ST3GAL4: variants seen among roughly 807,000 people sequenced by gnomAD.
The protein encoded by ST3GAL4 is CMP-N-acetylneuraminate-beta-galactosamide-alpha-2,3-sialyltransferase 4.
A neutral mutation model predicts 42.6 loss-of-function variants in ST3GAL4; 24 were observed. The observed-to-expected ratio is 0.56, with a 90% CI of 0.41 to 0.79. The LOEUF is 0.79. Among genes scored for constraint, ST3GAL4 ranks in the 30% least tolerant of loss-of-function variants. ST3GAL4 has a pLI of 0.00. For missense variants in ST3GAL4, 311 were observed against 430.8 expected (o/e 0.72, Z 2.46); for synonymous variants, 135 against 163.2 (o/e 0.83, Z 1.32).
At chr11:126,408,746 C>T (rs1428312629) in intron 8 of ST3GAL4, 11 of 549,264 alleles carry the variant, frequency 2.0e-5, no homozygotes, top group Admixed American at 3.1e-5. Flanking sequence ...ATGCTCCAGG[C>T]GTGTCTGTGA....
At chr11:126,369,471 C>G (rs1952559858) in intron 1 of ST3GAL4, among the ~76,000 whole-genome samples, 1 of 152,166 alleles carries the variant, frequency 6.6e-6, no homozygotes, top group African/African-American at 2.4e-5. Context: ...TGGTCTCGAT[C>G]TCCTGACCTC....
At chr11:126,389,594 T>TG (rs1953389709) in intron 1 of ST3GAL4, among the ~76,000 whole-genome samples, 1 of 152,120 alleles carries the variant, frequency 6.6e-6, no homozygotes, top group African/African-American at 2.4e-5. Flanking sequence ...GATAGGATCT[T>TG]GCTCTGTCAC....
chr11:126,370,764 C>T (rs891796339), intron 1 of ST3GAL4, among the ~76,000 whole-genome samples: 1 of 151,840 alleles, frequency 6.6e-6, no homozygotes, highest in Non-Finnish European at 1.5e-5. Flanking sequence ...GCAACCTCTG[C>T]ATCCCGGGTT....
At chr11:126,369,372 C>T (rs532319484) in intron 1 of ST3GAL4, among the ~76,000 whole-genome samples, 5 of 152,150 alleles carry the variant, frequency 3.3e-5, no homozygotes, top group South Asian at 2.1e-4. Flanking sequence ...CTCAGCCTCC[C>T]GAGTAGCTGG....
intron 1 of ST3GAL4, among the ~76,000 whole-genome samples, chr11:126,369,050 G>A (rs1424641104): frequency 6.6e-6 from 1 of 152,162 alleles, no homozygotes; most frequent in Non-Finnish European, 1.5e-5. Context: ...TACTGTGGCT[G>A]GTGCTCTGCC....
In ST3GAL4 at chr11:126,355,709, G is replaced by A. The variant is rs1163326411; in HGVS notation, c.-194G>A. 1 of 151,758 alleles carries A rather than the reference G, an allele frequency of 6.6e-6. No individual in the cohort carries two copies. Among genetic ancestry groups the A allele is most frequent in the African/African-American group, 2.4e-5 (1 of 41,400 alleles). 9.4% of individuals were successfully genotyped at this position (151,758 alleles called of 1,614,324 possible). The stretch of plus-strand genomic sequence containing the variant: ...CTGCAGGCGGACTCGCCCGCTCCCA[G>A]GCCGGACCCGCGCCCGGGACAGGGA... On this transcript the variant is annotated 5_prime_UTR_variant, in exon 1 of 11. Transcript: ENST00000444328. The surrounding 1 kb of genome is among the most constrained non-coding windows in gnomAD (Gnocchi z 7.1).
chr11:126,365,488 A>G lies in ST3GAL4; in HGVS notation c.-61+9646A>G, dbSNP rs1695737. On this transcript the variant is annotated intron_variant, in intron 1 of 10. Transcript: ENST00000444328. ...GTTGATTTAGTGTCTCTGCCCTGGG[A>G]TATTCCATGGGACCCTGGGCTGGCT... is the stretch of plus-strand genomic sequence containing the variant. Among the ~76,000 whole-genome samples the G allele has an allele frequency of 6.4e-3, 978 of 152,072 alleles. 7 individuals are homozygous for G. Among genetic ancestry groups the G allele is most frequent in the Non-Finnish European group, 7.2e-3 (486 of 67,930 alleles).
In ST3GAL4 at chr11:126,359,007, G is replaced by A. The variant is rs911785022; in HGVS notation, c.-61+3165G>A. Among the ~76,000 whole-genome samples, 3 of 152,180 alleles carry A rather than the reference G, an allele frequency of 2.0e-5. No homozygotes were observed. The highest frequency in any genetic ancestry group is 7.2e-5 in the African/African-American group (3 of 41,448). On this transcript the variant is annotated intron_variant, in intron 1 of 10. Coordinates refer to ENST00000444328, the MANE Select transcript of ST3GAL4 (RefSeq NM_001254757.2). The surrounding 1 kb of genome is among the most constrained non-coding windows in gnomAD (Gnocchi z 4.8). ...AGCCCAGAAGCACCTGAGTAGGAGA[G>A]TTCCTTTGTCCCACCTGCAGCTCAT... is the stretch of plus-strand genomic sequence containing the variant.
Position 126,396,328 on chromosome 11 carries a change from C to T in ST3GAL4, c.-60-9768C>T, listed in dbSNP as rs1953758494. The stretch of plus-strand genomic sequence containing the variant: ...CCCGCGCTGAGGTTCGGCAGGGAAG[C>T]CAGAGGAGTCCGCAGCCCGGGAGAC... On this transcript the variant is annotated intron_variant, in intron 1 of 10. Transcript: ENST00000444328. This position sits in a 1 kb window ranked among gnomAD's most constrained non-coding sequence, Gnocchi z 5.8. 6.6e-6 allele frequency among the ~76,000 whole-genome samples: 1 copy of T among 152,036 alleles called. No individual in the cohort carries two copies. The highest frequency in any genetic ancestry group is 1.5e-5 in the Non-Finnish European group (1 of 68,024).
rs1376021938 is a variant in ST3GAL4, at chr11:126,397,348, C to A, written c.-60-8748C>A. ...ACCATAAAGCATATTCTATAGTACACTTAACTCTGGTGGGCTCTTGGTATA... is the reference window on the plus strand; with the variant it reads ...ACCATAAAGCATATTCTATAGTACAATTAACTCTGGTGGGCTCTTGGTATA... On this transcript the variant is annotated intron_variant, in intron 1 of 10. Coordinates refer to ENST00000444328, the MANE Select transcript of ST3GAL4 (RefSeq NM_001254757.2). This position sits in a 1 kb window ranked among gnomAD's most constrained non-coding sequence, Gnocchi z 5.0. 1.3e-5 allele frequency among the ~76,000 whole-genome samples: 2 copies of A among 152,060 alleles called. No individual in the cohort carries two copies. Among genetic ancestry groups the A allele is most frequent in the Non-Finnish European group, 2.9e-5 (2 of 68,036 alleles).
At chr11:126,407,531 T>C in intron 5 of ST3GAL4, 43 bp from the exon 6 acceptor site, 1 of 1,611,264 alleles carries the variant, frequency 6.2e-7, no homozygotes, top group East Asian at 2.2e-5. Context: ...GCCTTCAGAA[T>C]GCTATCTGTC....
chr11:126,406,098 GGCCCGAGGCA>G lies in ST3GAL4; in HGVS notation c.-54_-45del. 1 of 1,551,680 alleles carries G rather than the reference GGCCCGAGGCA, an allele frequency of 6.4e-7. No individual in the cohort carries two copies. Among genetic ancestry groups the G allele is most frequent in the Non-Finnish European group, 8.7e-7 (1 of 1,147,010 alleles). On this transcript the variant is annotated 5_prime_UTR_variant, in exon 2 of 11. Transcript: ENST00000444328. This position sits in a 1 kb window ranked among gnomAD's most constrained non-coding sequence, Gnocchi z 5.4. The stretch of plus-strand genomic sequence containing the variant: ...CACCTGTGGCTCTTATTTCCTAGGT[GGCCCGAGGCA>G]GCCGGGATGACAGCTCTCCCCAGGA...
At chr11:126,385,111 G>GAGGC (rs1211147994) in intron 1 of ST3GAL4, among the ~76,000 whole-genome samples, 4 of 152,042 alleles carry the variant, frequency 2.6e-5, no homozygotes, top group African/African-American at 9.7e-5. Flanking sequence ...CGAGGACTCT[G>GAGGC]AGGCTCTGAG....
chr11:126,372,535 G>C (rs1002201726), intron 1 of ST3GAL4, among the ~76,000 whole-genome samples: 1 of 151,396 alleles, frequency 6.6e-6, no homozygotes, highest in African/African-American at 2.4e-5. Flanking sequence ...TCCTGCCTCA[G>C]CTTCCCGAGT....
At chr11:126,385,841 G>T (rs1953205180) in intron 1 of ST3GAL4, among the ~76,000 whole-genome samples, 1 of 150,676 alleles carries the variant, frequency 6.6e-6, no homozygotes. Context: ...GTAAGACCTT[G>T]TCTCAAAAAA....
intron 1 of ST3GAL4, among the ~76,000 whole-genome samples, chr11:126,361,089 C>T (rs1015919357): frequency 2.6e-5 from 4 of 152,180 alleles, no homozygotes; most frequent in African/African-American, 4.8e-5. Flanking sequence ...CATTTCTCTA[C>T]CCATCACCCC....
At position 126,389,987 on chromosome 11, in the gene ST3GAL4, C is replaced by T. The variant is rs185889002; in HGVS notation, c.-60-16109C>T. 4.6e-3 allele frequency among the ~76,000 whole-genome samples: 629 copies of T among 136,698 alleles called. 5 individuals are homozygous for T. The highest frequency in any genetic ancestry group is 0.017 in the African/African-American group (565 of 34,076). 89.7% of individuals were successfully genotyped at this position (136,698 alleles called of 152,430 possible). A position where few individuals can be genotyped will look rare whatever the true frequency, so the allele number is the denominator to read the frequency against. ...AGGAGATCGAGACCATTCTGGCTAACGCAGTGAAACCCCGTCTCTGCTAAA... is the reference window on the plus strand; with the variant it reads ...AGGAGATCGAGACCATTCTGGCTAATGCAGTGAAACCCCGTCTCTGCTAAA... On this transcript the variant is annotated intron_variant, in intron 1 of 10. Transcript: ENST00000444328.
intron 1 of ST3GAL4, among the ~76,000 whole-genome samples, chr11:126,367,502 G>A (rs1952477097): frequency 6.6e-6 from 1 of 152,188 alleles, no homozygotes; most frequent in South Asian, 2.1e-4. Context: ...TTGTGCCTGG[G>A]AAGGGAGGAC....
At position 126,410,054 on chromosome 11, in the gene ST3GAL4, A is replaced by G. The variant is rs745540412; in HGVS notation, c.771+643A>G. Among the ~76,000 whole-genome samples the G allele has an allele frequency of 6.6e-5, 10 of 152,170 alleles. No individual in the cohort carries two copies. The highest frequency in any genetic ancestry group is 1.2e-4 in the Non-Finnish European group (8 of 67,982). Reference sequence around the variant, plus strand: ...AGTAGCTGTGAGACTACAGGTATGCACCATCACGCCTGGCTAATTTTTAAA... The same window carrying G: ...AGTAGCTGTGAGACTACAGGTATGCGCCATCACGCCTGGCTAATTTTTAAA... On this transcript the variant is annotated intron_variant, in intron 9 of 10. Transcript: ENST00000444328. The surrounding 1 kb of genome is among the most constrained non-coding windows in gnomAD (Gnocchi z 5.3).
Sources: gnomAD v4.1 joint callset for allele counts (sites outside exome capture counted in the v4.1 genomes callset) on GRCh38, gnomAD v4.1.1 for gene constraint, Gnocchi (gnomAD v3.1) non-coding constraint, MANE v1.5 for transcripts, NCBI Gene and HGNC (gene_info 2026-07-23, HGNC 2026-07-21) for gene names.